Variants in LINS1 observed in about 807,000 individuals in gnomAD.
The protein encoded by LINS1 is lines homolog 1.
In LINS1, 27 loss-of-function variants were observed where a neutral mutation model predicts 41.6. The ratio of observed to expected loss-of-function variants is 0.65; its 90% CI spans 0.48 to 0.89. The LOEUF is 0.89. Among genes scored for constraint, LINS1 ranks in the 40% least tolerant of loss-of-function variants. The probability of loss-of-function intolerance (pLI) is 0.00; values close to 1 mark genes in which losing one functional copy is unlikely to be tolerated. For missense variants in LINS1, 955 were observed against 884.1 expected (o/e 1.08, Z -1.02); for synonymous variants, 336 against 312.9 (o/e 1.07, Z -0.78).
chr15:100,575,932 C>T (rs938799572), intron 3 of LINS1, among the ~76,000 whole-genome samples: 1 of 152,054 alleles, frequency 6.6e-6, no homozygotes, highest in Non-Finnish European at 1.5e-5. Context: ...CTACTGGGTA[C>T]ATAATGAAAT....
In LINS1 at chr15:100,580,556, A is replaced by G. The variant is rs2038479599; in HGVS notation, c.287T>C (p.Ile96Thr). The G allele has an allele frequency of 6.2e-7, 1 of 1,614,020 alleles. No homozygotes were observed. Among genetic ancestry groups the G allele is most frequent in the East Asian group, 2.2e-5 (1 of 44,892 alleles). Residue 96 changes from isoleucine to threonine, a missense_variant, in exon 2 of 7, where the codon ATC (isoleucine) becomes ACC (threonine). Transcript: ENST00000314742. ...CAATATCCGGGTTGTCATCACTTTGATCACTGTTAACTGAAGGAGCATTAC... is the reference window on the plus strand; with the variant it reads ...CAATATCCGGGTTGTCATCACTTTGGTCACTGTTAACTGAAGGAGCATTAC... ...REVMLLQLTVIKVMTTRILSV... is the reference protein window; with the variant it reads ...REVMLLQLTVTKVMTTRILSV...
At position 100,568,345 on chromosome 15, in the gene LINS1, A is replaced by G. The variant is rs72761245; in HGVS notation, c.*893T>C. ...ACACATGAAAGTGGCCATATCTGGG[A>G]TTAGGGTCTTTGCAGCTGTCATCAA... is the stretch of plus-strand genomic sequence containing the variant. On this transcript the variant is annotated 3_prime_UTR_variant, in exon 7 of 7. Coordinates refer to ENST00000314742, the MANE Select transcript of LINS1 (RefSeq NM_001040616.3). 0.13 allele frequency: 20,028 copies of G among 152,252 alleles called. 1,702 individuals carry two copies. Among genetic ancestry groups the G allele is most frequent in the Admixed American group, 0.26 (4,017 of 15,282 alleles). The allele number at this position is 152,252 out of a possible 1,614,324, so 9.4% of individuals were successfully genotyped here. A position where few individuals can be genotyped will look rare whatever the true frequency, so the allele number is the denominator to read the frequency against.
Position 100,580,455 on chromosome 15 carries a change from C to T in LINS1, c.388G>A (p.Asp130Asn), listed in dbSNP as rs781044699. 9 of 1,613,804 alleles carry T rather than the reference C, an allele frequency of 5.6e-6. No homozygotes were observed. The highest frequency in any genetic ancestry group is 1.7e-5 in the Admixed American group (1 of 59,964). ...IKILLESAKV[D>N]SKLICMFQNS... The stretch of plus-strand genomic sequence containing the variant: ...AACAAATGGCTTACTAATTTAGAAT[C>T]GACTTTGGCTGATTCTAAGAGAATT... The change falls in exon 2 of 7, where the codon GAT becomes AAT. Residue 130 changes from aspartate to asparagine, a missense_variant. Coordinates refer to ENST00000314742, the MANE Select transcript of LINS1 (RefSeq NM_001040616.3).
rs1380209932 is a variant in LINS1, at chr15:100,580,553, T to C, written c.290A>G (p.Lys97Arg). 1.9e-6 allele frequency: 3 copies of C among 1,613,934 alleles called. No individual in the cohort carries two copies. The highest frequency in any genetic ancestry group is 8.5e-7 in the Non-Finnish European group (1 of 1,179,976). ...AGACAATATCCGGGTTGTCATCACT[T>C]TGATCACTGTTAACTGAAGGAGCAT... The part of the protein sequence containing the change: ...EVMLLQLTVI[K>R]VMTTRILSVK... Residue 97 changes from lysine to arginine, a missense_variant, in exon 2 of 7, where the codon AAA becomes AGA. Coordinates refer to ENST00000314742, the MANE Select transcript of LINS1 (RefSeq NM_001040616.3).
chr15:100,586,764 A>C (rs2038818177), intron 1 of LINS1, among the ~76,000 whole-genome samples: 1 of 152,216 alleles, frequency 6.6e-6, no homozygotes, highest in Non-Finnish European at 1.5e-5. Context: ...GAAAAAATTT[A>C]TATAATAAAA....
chr15:100,577,239 C>T (rs561487567), intron 3 of LINS1, among the ~76,000 whole-genome samples: 1,890 of 152,300 alleles, frequency 0.012, 18 homozygotes, highest in Middle Eastern at 0.024. Context: ...GTCAAATTGT[C>T]CCTGTTTGCA....
chr15:100,572,328 C>G, intron 5 of LINS1: 1 of 1,250,454 alleles, frequency 8.0e-7, no homozygotes, highest in Non-Finnish European at 1.0e-6. Flanking sequence ...TGCCTAACAA[C>G]TGTCTCTTAG....
rs151201879 is a variant in LINS1, at chr15:100,600,741, A to C, written c.-104+1380T>G. Among the ~76,000 whole-genome samples, 226 of 152,304 alleles carry C rather than the reference A, an allele frequency of 1.5e-3. 1 individual carries two copies. The highest frequency in any genetic ancestry group is 2.2e-3 in the Non-Finnish European group (148 of 68,028). On this transcript the variant is annotated intron_variant, in intron 1 of 6. Coordinates refer to ENST00000314742, the MANE Select transcript of LINS1 (RefSeq NM_001040616.3). ...TATGATTGCTGGGAAGTATAATGGGACAAAAATTAAAAAGCTGAATCTATC... is the reference window on the plus strand; with the variant it reads ...TATGATTGCTGGGAAGTATAATGGGCCAAAAATTAAAAAGCTGAATCTATC...
chr15:100,581,437 A>G (rs983956076), intron 1 of LINS1, among the ~76,000 whole-genome samples: 15 of 152,222 alleles, frequency 9.9e-5, no homozygotes, highest in Non-Finnish European at 5.9e-5. Flanking sequence ...AGAACCACTG[A>G]GCTAATTCAA....
rs1567707850 is a variant in LINS1, at chr15:100,568,469, A to T, written c.*769T>A. 6.6e-6 allele frequency: 1 copy of T among 152,278 alleles called. No homozygotes were observed. The highest frequency in any genetic ancestry group is 1.5e-5 in the Non-Finnish European group (1 of 68,090). 9.4% of individuals were successfully genotyped at this position (152,278 alleles called of 1,614,324 possible). ...GACACAGGAAAATGCCATGTGAGGC[A>T]GGAACTGGAGTGACGCCACTACAAG... On this transcript the variant is annotated 3_prime_UTR_variant, in exon 7 of 7. Transcript: ENST00000314742.
At chr15:100,600,018 C>T (rs747245285) in intron 1 of LINS1, among the ~76,000 whole-genome samples, 4 of 152,090 alleles carry the variant, frequency 2.6e-5, no homozygotes, top group Admixed American at 6.6e-5. Context: ...GTGAGCCAAG[C>T]TCGCACCACT....
chr15:100,595,756 T>C (rs2039217470), intron 1 of LINS1, among the ~76,000 whole-genome samples: 1 of 152,170 alleles, frequency 6.6e-6, no homozygotes, highest in Non-Finnish European at 1.5e-5. Context: ...TAGTAGGCCT[T>C]CCCCTAATTC....
intron 1 of LINS1, among the ~76,000 whole-genome samples, chr15:100,592,398 T>C (rs944124292): frequency 1.3e-5 from 2 of 152,210 alleles, no homozygotes; most frequent in Non-Finnish European, 2.9e-5. Context: ...ATTAAATCAC[T>C]GGCCCTTGGT....
At chr15:100,572,372 G>C in intron 5 of LINS1, 1 of 1,180,870 alleles carries the variant, frequency 8.5e-7, no homozygotes, top group Non-Finnish European at 1.1e-6. Flanking sequence ...GCTAAAAGCA[G>C]ATAAATAAAT....
In LINS1 at chr15:100,575,104, C is replaced by T; in HGVS notation, c.514G>A (p.Ala172Thr). ...TCAGAAAGATTTTTCTGGCAAAAAG[C>T]AATCCAGGAATTACTTAAGGTTATC... ...EKITLSNSWI[A>T]FCQKNLSEYS... Residue 172 changes from alanine (A) to threonine (T), a missense_variant, in exon 4 of 7, where the codon GCT becomes ACT. Ala to Thr is a moderately conservative substitution (Grantham distance 58). Coordinates refer to ENST00000314742, the MANE Select transcript of LINS1 (RefSeq NM_001040616.3). 1.2e-6 allele frequency: 2 copies of T among 1,612,176 alleles called. No homozygotes were observed. Among genetic ancestry groups the T allele is most frequent in the Non-Finnish European group, 1.7e-6 (2 of 1,179,440 alleles).
intron 5 of LINS1, 107 bp from the exon 6 acceptor site, chr15:100,572,172 C>G (rs2037868172): frequency 6.5e-7 from 1 of 1,533,646 alleles, no homozygotes; most frequent in African/African-American, 1.4e-5. Flanking sequence ...ATGCAATTAT[C>G]CTAATTCACT....
In LINS1 at chr15:100,588,191, C is replaced by T. The variant is rs187555690; in HGVS notation, c.-103-7246G>A. Among the ~76,000 whole-genome samples the T allele has an allele frequency of 2.9e-4, 44 of 152,250 alleles. 1 individual carries two copies. Among genetic ancestry groups the T allele is most frequent in the African/African-American group, 9.9e-4 (41 of 41,552 alleles). ...AAGAGGGGTACCCTAGGATAAAAAG[C>T]GTGTGTAGGGCCCCAAAAGCCCACT... On this transcript the variant is annotated intron_variant, in intron 1 of 6. Coordinates refer to ENST00000314742, the MANE Select transcript of LINS1 (RefSeq NM_001040616.3).
chr15:100,601,491 G>A (rs1020815404), intron 1 of LINS1, among the ~76,000 whole-genome samples: 1 of 152,126 alleles, frequency 6.6e-6, no homozygotes, highest in African/African-American at 2.4e-5. Flanking sequence ...TCTCAGTACT[G>A]CCACATTGGG....
intron 1 of LINS1, among the ~76,000 whole-genome samples, chr15:100,594,649 A>G (rs532435394): frequency 1.3e-5 from 2 of 152,322 alleles, no homozygotes; most frequent in South Asian, 4.1e-4. Context: ...GACACGGTAC[A>G]TTGTAAATGC....
Sources: gnomAD v4.1 joint callset for allele counts (sites outside exome capture counted in the v4.1 genomes callset) on GRCh38, gnomAD v4.1.1 for gene constraint, MANE v1.5 for transcripts, NCBI Gene and HGNC (gene_info 2026-07-23, HGNC 2026-07-21) for gene names.